Variants in PES1 observed in about 807,000 individuals in gnomAD.
PES1 encodes pescadillo homolog.
A neutral mutation model predicts 77.1 loss-of-function variants in PES1; 31 were observed. The ratio of observed to expected loss-of-function variants is 0.40; its 90% confidence interval spans 0.30 to 0.54. PES1 has a LOEUF of 0.54. Ranked by LOEUF, PES1 falls within the 20% of genes least tolerant of loss-of-function variation. The pLI is 0.45. For missense variants in PES1, 658 were observed against 771.7 expected (o/e 0.85, Z 1.75); for synonymous variants, 282 against 303.0 (o/e 0.93, Z 0.72).
At chr22:30,597,347 G>A (rs983571535) in intron 2 of PES1, among the ~76,000 whole-genome samples, 1 of 151,794 alleles carries the variant, frequency 6.6e-6, no homozygotes. Context: ...GTGGGGATTT[G>A]GAGAACCTTT....
intron 4 of PES1, chr22:30,585,133 G>A (rs1569024670): frequency 5.0e-6 from 2 of 398,940 alleles, no homozygotes; most frequent in African/African-American, 2.1e-5. Context: ...TGGTGGAGCA[G>A]GGAGCGGGGT....
intron 3 of PES1, 50 bp from the exon 4 acceptor site, chr22:30,587,445 A>C (rs757905624): frequency 7.1e-7 from 1 of 1,408,404 alleles, no homozygotes; most frequent in South Asian, 1.2e-5. Flanking sequence ...GGTCTCCTGG[A>C]CAACTTCTTC....
chr22:30,597,834 TC>T (rs901597637), intron 2 of PES1, among the ~76,000 whole-genome samples: 24 of 151,238 alleles, frequency 1.6e-4, no homozygotes, highest in African/African-American at 5.8e-4. Context: ...GCTGCCCGAC[TC>T]AGCTGTGGTA....
At chr22:30,603,404 T>TG (rs763370893) in intron 2 of PES1, among the ~76,000 whole-genome samples, 5 of 151,132 alleles carry the variant, frequency 3.3e-5, no homozygotes, top group South Asian at 4.2e-4. Flanking sequence ...TTCTCCGAGA[T>TG]GGGGTCTTGC....
Position 30,577,098 on chromosome 22 carries a change from T to C in PES1, c.1715A>G (p.His572Arg). The C allele has an allele frequency of 6.2e-7, 1 of 1,614,192 alleles. No homozygotes were observed. The highest frequency in any genetic ancestry group is 8.5e-7 in the Non-Finnish European group (1 of 1,180,036). ...CTTCTCAGACCTCACCGCCTCATCG[T>C]GGGCTTTCCGCTTCTCCGCCAGCTT... ...ANKLAEKRKA[H>R]DEAVRSEKKA... The change falls in exon 15 of 15, where the codon CAC (histidine) becomes CGC (arginine). Residue 572 changes from histidine (H) to arginine (R), a missense_variant. His to Arg is a conservative substitution (Grantham distance 29, BLOSUM62 0). Coordinates refer to ENST00000354694, the MANE Select transcript of PES1 (RefSeq NM_014303.4).
intron 6 of PES1, among the ~76,000 whole-genome samples, 173 bp from the exon 7 acceptor site, chr22:30,581,817 C>G (rs1044834964): frequency 3.3e-5 from 5 of 152,150 alleles, no homozygotes; most frequent in Non-Finnish European, 7.4e-5. Context: ...ATCTTCCCAC[C>G]AGGGGCGTTC....
chr22:30,580,860 T>C, intron 9 of PES1, 152 bp downstream of exon 9: 2 of 1,186,024 alleles, frequency 1.7e-6, no homozygotes, highest in South Asian at 1.4e-5. Flanking sequence ...TTGCCTCCTA[T>C]GTAAACTCTG....
intron 2 of PES1, among the ~76,000 whole-genome samples, chr22:30,597,891 T>TA (rs1323532682): frequency 6.9e-6 from 1 of 144,020 alleles, no homozygotes; most frequent in Non-Finnish European, 1.5e-5. Flanking sequence ...TGTTTTTTTT[T>TA]TTTTTGTTTT....
chr22:30,598,667 G>GACCCCCGC (rs2087303258), intron 2 of PES1, among the ~76,000 whole-genome samples: 1 of 151,892 alleles, frequency 6.6e-6, no homozygotes. Flanking sequence ...TACCTTAAGT[G>GACCCCCGC]ACCCCCGCAC....
At chr22:30,592,105 T>A, upstream of PES1, 1 of 1,285,502 alleles carries the variant, frequency 7.8e-7, no homozygotes, top group East Asian at 3.2e-5. Flanking sequence ...AAAACAAACG[T>A]GGATATACAG....
intron 14 of PES1, 133 bp downstream of exon 14, chr22:30,578,704 C>T (rs2086936815): frequency 1.9e-6 from 2 of 1,066,258 alleles, no homozygotes; most frequent in Non-Finnish European, 2.7e-6. Context: ...TGGGCTGGGC[C>T]AGGCAGGCAA....
intron 1 of PES1, among the ~76,000 whole-genome samples, chr22:30,591,522 T>C (rs992594987): frequency 6.6e-6 from 1 of 152,268 alleles, no homozygotes; most frequent in Middle Eastern, 3.4e-3. Context: ...TTTCGGTAAA[T>C]AGTGGTCCCA....
rs1264087986 is a variant in PES1 at position 30,588,005 on chromosome 22, A to G, written c.258+16T>C. ...CTGCGATGAGAACCTGACAGACCCT[A>G]GAGCCCAGACCTCACCTTGTATTCA... On this transcript the variant is annotated intron_variant, in intron 3 of 14. Transcript: ENST00000354694. 2 of 1,612,646 alleles carry G rather than the reference A, an allele frequency of 1.2e-6. No individual in the cohort carries two copies. The highest frequency in any genetic ancestry group is 2.2e-5 in the East Asian group (1 of 44,898).
Position 30,591,817 on chromosome 22 carries a change from T to C in PES1, c.17A>G (p.Lys6Arg). ...ACCGTCTTTCCCAATCACCTTCTTC[T>C]TCTCAAGGCCTCCCATCGCTCCACG... MGGLEKKKYERGSATN... is the reference protein window; with the variant it reads MGGLERKKYERGSATN... The change falls in exon 1 of 15, where the codon AAG (lysine) becomes AGG (arginine). Residue 6 changes from lysine to arginine, a missense_variant. Physicochemically the swap from Lys to Arg is conservative, Grantham distance 26. Transcript: ENST00000354694. The C allele has an allele frequency of 7.0e-6, 11 of 1,564,526 alleles. No individual in the cohort carries two copies. The highest frequency in any genetic ancestry group is 9.5e-6 in the Non-Finnish European group (11 of 1,155,362).
At position 30,584,657 on chromosome 22, in the gene PES1, C is replaced by T. The variant is rs759967562; in HGVS notation, c.429G>A (p.Leu143=). 77 of 1,613,864 alleles carry T rather than the reference C, an allele frequency of 4.8e-5. No homozygotes were observed. The highest frequency in any genetic ancestry group is 6.3e-5 in the Non-Finnish European group (74 of 1,180,024). ...TGCCAGTCCGCGGGAAGGTGGAAAA[C>T]AGGAAGCACATGGAGAGGGCATCGT... ...DLDDALSMCF[L]FSTFPRTGKC... Residue 143 remains leucine (L), a synonymous_variant, in exon 5 of 15, where the codon CTG becomes CTA. Transcript: ENST00000354694.
intron 2 of PES1, among the ~76,000 whole-genome samples, chr22:30,604,909 G>A (rs1569034875): frequency 6.6e-6 from 1 of 152,228 alleles, no homozygotes; most frequent in Non-Finnish European, 1.5e-5. Context: ...TGATCTAAAT[G>A]ATGTAATCAT....
chr22:30,578,005 G>A (rs1255203788), intron 14 of PES1, among the ~76,000 whole-genome samples: 1 of 152,200 alleles, frequency 6.6e-6, no homozygotes, highest in Non-Finnish European at 1.5e-5. Context: ...AACTCAGGCT[G>A]GGTACAGTGG....
At chr22:30,598,876 TTAAG>T (rs1481384046) in intron 2 of PES1, among the ~76,000 whole-genome samples, 5 of 136,992 alleles carry the variant, frequency 3.6e-5, no homozygotes. Flanking sequence ...TTTATGTGAC[TTAAG>T]TAAAATTTTT....
intron 9 of PES1, 62 bp downstream of exon 9, chr22:30,580,950 G>A: frequency 7.0e-7 from 1 of 1,430,232 alleles, no homozygotes; most frequent in Non-Finnish European, 9.7e-7. Flanking sequence ...ATGTCCCTAA[G>A]CTGGGAAACC....
Sources: gnomAD v4.1 joint callset for allele counts (sites outside exome capture counted in the v4.1 genomes callset) on GRCh38, gnomAD v4.1.1 for gene constraint, MANE v1.5 for transcripts, NCBI Gene and HGNC (gene_info 2026-07-23, HGNC 2026-07-21) for gene names.